The following DLG1 variants were observed in gnomAD, a reference collection of about 807,000 sequenced individuals.
DLG1 encodes the protein discs large MAGUK scaffold protein 1, also known as disks large homolog 1.
A neutral mutation model predicts 123.4 loss-of-function variants in DLG1; 42 were observed. The observed-to-expected ratio is 0.34, with a 90% CI of 0.27 to 0.44. The LOEUF (loss-of-function observed/expected upper bound fraction) is 0.44. DLG1 is among the 20% of genes least tolerant of loss of function. The pLI is 1.00. For synonymous variants in DLG1, 317 were observed against 356.2 expected (o/e 0.89, Z 1.24); for missense variants, 942 against 1,082.6 (o/e 0.87, Z 1.82).
intron 4 of DLG1, among the ~76,000 whole-genome samples, chr3:197,277,977 A>C (rs911914839): frequency 9.2e-5 from 14 of 151,786 alleles, no homozygotes; most frequent in African/African-American, 3.4e-4. Flanking sequence ...CAGTCTTCAA[A>C]AAACTGTTTA....
chr3:197,170,651 GCA>G (rs1206804496), intron 5 of DLG1, among the ~76,000 whole-genome samples: 1 of 152,078 alleles, frequency 6.6e-6, no homozygotes, highest in African/African-American at 2.4e-5. Flanking sequence ...TTTTTCAGAT[GCA>G]CAGTTTGCAA....
At chr3:197,049,851 C>T (rs1428171656) in intron 24 of DLG1, among the ~76,000 whole-genome samples, 1 of 152,046 alleles carries the variant, frequency 6.6e-6, no homozygotes, top group East Asian at 1.9e-4. Context: ...TTGCTTGAGC[C>T]TAGGAGTTTG....
At chr3:197,174,709 T>G (rs1486641348) in intron 5 of DLG1, among the ~76,000 whole-genome samples, 5 of 152,220 alleles carry the variant, frequency 3.3e-5, no homozygotes, top group Non-Finnish European at 7.3e-5. Flanking sequence ...CTACCAAGAT[T>G]AGTCAGATTT....
chr3:197,141,666 G>A (rs992321381), intron 7 of DLG1, among the ~76,000 whole-genome samples: 2 of 152,146 alleles, frequency 1.3e-5, no homozygotes, highest in Admixed American at 1.3e-4. Flanking sequence ...TCCATAAAAT[G>A]CTAGCCAGAT....
At chr3:197,178,904 G>A (rs936074985) in intron 5 of DLG1, among the ~76,000 whole-genome samples, 7 of 152,104 alleles carry the variant, frequency 4.6e-5, no homozygotes, top group African/African-American at 1.7e-4. Flanking sequence ...CATCCTGATA[G>A]GACTTATAGA....
At chr3:197,296,294 A>G in intron 3 of DLG1, 52 bp downstream of exon 3, 1 of 1,529,990 alleles carries the variant, frequency 6.5e-7, no homozygotes. Flanking sequence ...AAATGAATTG[A>G]GAGGAGCATA....
rs539065971 is a variant in DLG1 at position 197,231,735 on chromosome 3, C to A, written c.319-37146G>T. ...ACAACAAAAAACAAAACAACAAAAACCAAAAAACAAAAACCACTAAAATGC... is the reference window on the plus strand; with the variant it reads ...ACAACAAAAAACAAAACAACAAAAAACAAAAAACAAAAACCACTAAAATGC... On this transcript the variant is annotated intron_variant, in intron 4 of 24. Coordinates refer to ENST00000667157, the MANE Select transcript of DLG1 (RefSeq NM_001366207.1). Among the ~76,000 whole-genome samples the A allele has an allele frequency of 1.9e-4, 28 of 150,434 alleles. No homozygotes were observed. In the East Asian group the frequency reaches 1.9e-3, roughly 10 times the overall value.
chr3:197,267,556 G>A lies in DLG1; in HGVS notation c.318+15123C>T, dbSNP rs534332848. On this transcript the variant is annotated intron_variant, in intron 4 of 24. Transcript: ENST00000667157. ...CTTAGCTAAGCTTCTTGAAAACGTA[G>A]TTTGCCTTTTTTTCTTCCCATTCCC... is the stretch of plus-strand genomic sequence containing the variant. Among the ~76,000 whole-genome samples, 114 of 80,570 alleles carry A rather than the reference G, an allele frequency of 1.4e-3. 1 individual carries two copies. Among genetic ancestry groups the A allele is most frequent in the African/African-American group, 5.2e-3 (106 of 20,218 alleles). The allele number at this position is 80,570 out of a possible 152,430, so 52.9% of individuals were successfully genotyped here. A position where few individuals can be genotyped will look rare whatever the true frequency, so the allele number is the denominator to read the frequency against.
At chr3:197,222,809 C>T (rs1054626830) in intron 4 of DLG1, among the ~76,000 whole-genome samples, 2 of 152,228 alleles carry the variant, frequency 1.3e-5, no homozygotes, top group Non-Finnish European at 2.9e-5. Context: ...ACTTCAATTA[C>T]TGCTGTCACC....
chr3:197,181,240 T>C (rs998397190), intron 5 of DLG1, among the ~76,000 whole-genome samples: 1 of 152,190 alleles, frequency 6.6e-6, no homozygotes, highest in Non-Finnish European at 1.5e-5. Context: ...CTAATAGAAC[T>C]TGATTTATAA....
intron 10 of DLG1, among the ~76,000 whole-genome samples, chr3:197,135,945 G>A (rs1784863795): frequency 6.6e-6 from 1 of 151,766 alleles, no homozygotes; most frequent in South Asian, 2.1e-4. Flanking sequence ...CCAAGGAGCT[G>A]GGACTATAGG....
At chr3:197,094,405 T>C (rs997189691) in intron 14 of DLG1, among the ~76,000 whole-genome samples, 2 of 152,238 alleles carry the variant, frequency 1.3e-5, no homozygotes, top group Non-Finnish European at 2.9e-5. Context: ...TTTGTTCTAA[T>C]GGCAAACTTT....
At chr3:197,116,145 T>TA in intron 12 of DLG1, 62 bp from the exon 13 acceptor site, 1 of 1,313,692 alleles carries the variant, frequency 7.6e-7, no homozygotes, top group Non-Finnish European at 1.1e-6. Flanking sequence ...ATTCTATCAG[T>TA]GAGAACTACC....
At chr3:197,148,227 C>G (rs1791945601) in intron 6 of DLG1, among the ~76,000 whole-genome samples, 1 of 13,032 alleles carries the variant, frequency 7.7e-5, no homozygotes, top group South Asian at 3.1e-3. Context: ...TGGTAAAACC[C>G]CATCTCTACC....
chr3:197,150,491 A>G (rs938749415), intron 5 of DLG1, among the ~76,000 whole-genome samples: 1 of 152,138 alleles, frequency 6.6e-6, no homozygotes, highest in East Asian at 1.9e-4. Flanking sequence ...ATAAAATGCA[A>G]TAACAAATGA....
intron 4 of DLG1, among the ~76,000 whole-genome samples, chr3:197,271,291 T>C (rs1411940780): frequency 1.3e-5 from 2 of 152,244 alleles, no homozygotes; most frequent in East Asian, 3.8e-4. Flanking sequence ...AGCCAGTAGA[T>C]AAATTCTTTC....
chr3:197,179,530 C>A (rs1319525390), intron 5 of DLG1, among the ~76,000 whole-genome samples: 1 of 152,124 alleles, frequency 6.6e-6, no homozygotes, highest in Non-Finnish European at 1.5e-5. Context: ...GAATGTACTG[C>A]GCTATCCTAG....
rs116514093 is a variant in DLG1, at chr3:197,080,244, T to C, written c.1905+807A>G. ...AAAATAAATACACTTCTAAAATATA[T>C]GATGAAAGAATTGATATATTTCCTT... On this transcript the variant is annotated intron_variant, in intron 17 of 24. Coordinates refer to ENST00000667157, the MANE Select transcript of DLG1 (RefSeq NM_001366207.1). Among the ~76,000 whole-genome samples the C allele has an allele frequency of 9.9e-3, 1,455 of 146,372 alleles. 27 individuals carry two copies. The highest frequency in any genetic ancestry group is 0.035 in the African/African-American group (1,382 of 39,860).
intron 4 of DLG1, among the ~76,000 whole-genome samples, chr3:197,256,370 T>C (rs1397708495): frequency 6.6e-6 from 1 of 152,290 alleles, no homozygotes; most frequent in Non-Finnish European, 1.5e-5. Flanking sequence ...TGCCAACTCC[T>C]GATCTAAAGG....
Sources: allele counts gnomAD v4.1 joint callset (sites outside exome capture counted in the v4.1 genomes callset), GRCh38; gene constraint gnomAD v4.1.1; transcripts MANE v1.5; gene names NCBI Gene and HGNC (gene_info 2026-07-23, HGNC 2026-07-21).